Variants in PLXNA4 observed in about 807,000 individuals in gnomAD.
PLXNA4 encodes plexin A4.
PLXNA4 carries 44 observed loss-of-function variants against 191.8 expected under a neutral mutation model. The observed-to-expected ratio is 0.23, with a 90% CI of 0.18 to 0.29. The LOEUF is 0.29. PLXNA4 is among the 10% of genes least tolerant of loss of function. The probability of loss-of-function intolerance (pLI) is 1.00; values close to 1 mark genes in which losing one functional copy is unlikely to be tolerated. For synonymous variants in PLXNA4, 1,082 were observed against 1,009.5 expected, an observed-to-expected ratio of 1.07 and a Z score of -1.36; for missense variants, 1,800 against 2,488.8, an observed-to-expected ratio of 0.72 and a Z score of 5.89.
In PLXNA4 at chr7:132,174,889, C is replaced by T. The variant is rs1261495631; in HGVS notation, c.3906G>A (p.Glu1302=). The change falls in exon 21 of 32, where the codon GAG becomes GAA. Residue 1302 remains glutamate, a synonymous_variant. Coordinates refer to ENST00000321063, the MANE Select transcript of PLXNA4 (RefSeq NM_020911.2). ...AFAELQTDIH[E]LTSDLDGAGI... ...CGGCTCCATCCAGGTCACTGGTCAG[C>T]TCATGGATGTCCGTCTGCAGCTCGG... The T allele has an allele frequency of 6.2e-7, 1 of 1,614,154 alleles. No homozygotes were observed. The highest frequency in any genetic ancestry group is 1.7e-5 in the Admixed American group (1 of 60,028).
At chr7:132,151,229 AGAG>A (rs1307855355) in intron 25 of PLXNA4, among the ~76,000 whole-genome samples, 21 of 151,310 alleles carry the variant, frequency 1.4e-4, no homozygotes, top group African/African-American at 4.9e-4. Flanking sequence ...AAGAGGAAAA[AGAG>A]GAGAAGAGGA....
intron 17 of PLXNA4, 90 bp from the exon 18 acceptor site, chr7:132,181,710 G>T: frequency 6.6e-7 from 1 of 1,524,456 alleles, no homozygotes; most frequent in Non-Finnish European, 8.8e-7. Context: ...GGATGTCATC[G>T]GGATAGCAAG....
intron 25 of PLXNA4, among the ~76,000 whole-genome samples, chr7:132,157,707 A>G (rs926249031): frequency 6.6e-6 from 1 of 152,208 alleles, no homozygotes; most frequent in African/African-American, 2.4e-5. Context: ...TGCAAAGCTG[A>G]AGGTGCCCCC....
chr7:132,486,741 A>G (rs1797573473), intron 3 of PLXNA4, among the ~76,000 whole-genome samples: 2 of 152,246 alleles, frequency 1.3e-5, no homozygotes, highest in African/African-American at 2.4e-5. Context: ...TCAACCTACC[A>G]AAGTAAAAGA....
chr7:132,478,038 C>T lies in PLXNA4; in HGVS notation c.1371+11254G>A, dbSNP rs533219472. 3.9e-5 allele frequency among the ~76,000 whole-genome samples: 6 copies of T among 152,268 alleles called. No homozygotes were observed. In the East Asian group the frequency reaches 1.2e-3, roughly 29 times the overall value. ...CACAGCCTGGTTGAGGCAGGGAAGC[C>T]ATCAGTACTATCAGCATCCCTCCAG... On this transcript the variant is annotated intron_variant, in intron 3 of 31. Transcript: ENST00000321063.
At chr7:132,376,067 A>G (rs947131619) in intron 3 of PLXNA4, among the ~76,000 whole-genome samples, 2 of 152,172 alleles carry the variant, frequency 1.3e-5, no homozygotes, top group African/African-American at 4.8e-5. Flanking sequence ...CAAATTTGGA[A>G]CAGCCCCACC....
At chr7:132,178,841 TATATACAC>T (rs746839197) in intron 20 of PLXNA4, among the ~76,000 whole-genome samples, 1 of 42,040 alleles carries the variant, frequency 2.4e-5, no homozygotes, top group East Asian at 6.2e-4. Flanking sequence ...CACATACACA[TATATACAC>T]ACACACACAC....
chr7:132,241,212 AC>A, intron 4 of PLXNA4, 46 bp from the exon 5 acceptor site: 1 of 1,371,732 alleles, frequency 7.3e-7, no homozygotes, highest in Non-Finnish European at 1.0e-6. Context: ...TTTGCAGAAC[AC>A]CCAGCAGTGT....
chr7:132,630,236 G>A (rs1254146728), intron 2 of PLXNA4, among the ~76,000 whole-genome samples: 1 of 152,100 alleles, frequency 6.6e-6, no homozygotes, highest in East Asian at 1.9e-4. Flanking sequence ...TCTCCTAAAG[G>A]CCCTATCTAC....
intron 3 of PLXNA4, among the ~76,000 whole-genome samples, chr7:132,386,126 G>A (rs922372334): frequency 6.6e-6 from 1 of 152,172 alleles, no homozygotes; most frequent in African/African-American, 2.4e-5. Flanking sequence ...TCCATTGATA[G>A]AGGGGCCCCG....
At chr7:132,445,526 T>A (rs549950072) in intron 3 of PLXNA4, among the ~76,000 whole-genome samples, 1 of 152,062 alleles carries the variant, frequency 6.6e-6, no homozygotes, top group South Asian at 2.1e-4. Flanking sequence ...GTCTCCATAG[T>A]GTGAACCAGA....
At chr7:132,221,545 A>C (rs1798145575) in intron 9 of PLXNA4, among the ~76,000 whole-genome samples, 1 of 152,236 alleles carries the variant, frequency 6.6e-6, no homozygotes, top group Non-Finnish European at 1.5e-5. Flanking sequence ...ACCCTGAGAC[A>C]GGCCTGGCCA....
chr7:132,330,449 C>A (rs1484267994), intron 3 of PLXNA4, among the ~76,000 whole-genome samples: 1 of 152,188 alleles, frequency 6.6e-6, no homozygotes. Flanking sequence ...GGGACAGAAA[C>A]AGAGAAAGGG....
chr7:132,644,901 A>G (rs1803836758), intron 2 of PLXNA4, among the ~76,000 whole-genome samples: 1 of 152,182 alleles, frequency 6.6e-6, no homozygotes, highest in South Asian at 2.1e-4. Context: ...ACCAACTGCC[A>G]ACCCTGTGTG....
At chr7:132,165,384 T>C (rs1332951698) in intron 22 of PLXNA4, among the ~76,000 whole-genome samples, 184 bp from the exon 23 acceptor site, 25 of 152,204 alleles carry the variant, frequency 1.6e-4, no homozygotes, top group Admixed American at 1.6e-3. Flanking sequence ...GCCCCCATAA[T>C]GGTAAGACAA....
intron 1 of PLXNA4, among the ~76,000 whole-genome samples, chr7:132,535,588 G>A (rs1207302780): frequency 2.6e-5 from 4 of 152,058 alleles, no homozygotes; most frequent in Non-Finnish European, 5.9e-5. Context: ...CATTTACCTC[G>A]ATGGCAGCCG....
In PLXNA4 at chr7:132,305,460, G is replaced by A. The variant is rs184897104; in HGVS notation, c.1372-7238C>T. On this transcript the variant is annotated intron_variant, in intron 3 of 31. Coordinates refer to ENST00000321063, the MANE Select transcript of PLXNA4 (RefSeq NM_020911.2). ...TCCCCAGCCACTCAGTCCCTGGCCCGGGATCTTCCAAGGCAGCCAGCCCCT... is the reference window on the plus strand; with the variant it reads ...TCCCCAGCCACTCAGTCCCTGGCCCAGGATCTTCCAAGGCAGCCAGCCCCT... 4.0e-3 allele frequency among the ~76,000 whole-genome samples: 604 copies of A among 151,386 alleles called. 2 individuals are homozygous for A. The highest frequency in any genetic ancestry group is 0.021 in the Middle Eastern group (6 of 290).
rs186693968 is a variant in PLXNA4 at position 132,431,118 on chromosome 7, A to G, written c.1371+58174T>C. Among the ~76,000 whole-genome samples, 439 of 152,306 alleles carry G rather than the reference A, an allele frequency of 2.9e-3. 1 individual carries two copies. The highest frequency in any genetic ancestry group is 4.7e-3 in the Non-Finnish European group (323 of 68,030). On this transcript the variant is annotated intron_variant, in intron 3 of 31. Coordinates refer to ENST00000321063, the MANE Select transcript of PLXNA4 (RefSeq NM_020911.2). Reference sequence around the variant, plus strand: ...CAATAAAATGGAGTCATCATCTCACAGGGTCCATGTGAAGCTGAGATGTGG... The same window carrying G: ...CAATAAAATGGAGTCATCATCTCACGGGGTCCATGTGAAGCTGAGATGTGG...
intron 3 of PLXNA4, among the ~76,000 whole-genome samples, chr7:132,359,233 T>TA (rs1803835310): frequency 2.3e-5 from 3 of 131,644 alleles, no homozygotes; most frequent in African/African-American, 6.3e-5. Context: ...TTTTTTTTTT[T>TA]ATTCCTGAGA....
Sources: gnomAD v4.1 joint callset for allele counts (sites outside exome capture counted in the v4.1 genomes callset) on GRCh38, gnomAD v4.1.1 for gene constraint, MANE v1.5 for transcripts, NCBI Gene and HGNC (gene_info 2026-07-23, HGNC 2026-07-21) for gene names.